The following CEP63 variants were observed in gnomAD, a reference collection of about 807,000 sequenced individuals.
CEP63 encodes the protein centrosomal protein of 63 kDa.
In CEP63, 84 loss-of-function variants were observed where a neutral mutation model predicts 89.1. That is an observed-to-expected ratio of 0.94 (90% CI 0.79 to 1.13). CEP63 has a LOEUF of 1.13. Ranked by LOEUF, CEP63 falls within the 50% of genes most tolerant of loss-of-function variation. The pLI is 0.00. For synonymous variants in CEP63, 267 were observed against 272.5 expected (o/e 0.98, Z 0.20); for missense variants, 838 against 813.3 (o/e 1.03, Z -0.37).
At chr3:134,589,895 C>T (rs1958564682), downstream of CEP63, among the ~76,000 whole-genome samples, 1 of 152,278 alleles carries the variant, frequency 6.6e-6, no homozygotes, top group South Asian at 2.1e-4. Context: ...GGTACATATA[C>T]ACCATGGAAT....
At chr3:134,753,585 A>G in the CEP63 span, among the ~76,000 whole-genome samples, 4 of 152,334 alleles carry the variant, frequency 2.6e-5, no homozygotes, top group African/African-American at 9.6e-5. Flanking sequence ...CATGATTTCC[A>G]GAGTCTTTGC....
At chr3:134,607,647 C>T in the CEP63 span, 3 of 985,664 alleles carry the variant, frequency 3.0e-6, no homozygotes, top group Non-Finnish European at 3.6e-6. Flanking sequence ...CCAGAGAAGG[C>T]CCTGCTTTTT....
the CEP63 span, among the ~76,000 whole-genome samples, chr3:134,616,001 A>C: frequency 5.9e-5 from 9 of 152,240 alleles, no homozygotes; most frequent in Non-Finnish European, 1.2e-4. Context: ...AACGTCTCTG[A>C]AACCTGCTAG....
downstream of CEP63, among the ~76,000 whole-genome samples, chr3:134,577,383 A>T (rs374310313): frequency 3.7e-4 from 55 of 150,044 alleles, no homozygotes; most frequent in African/African-American, 1.3e-3. Context: ...TCACACTTGT[A>T]TGGAAAAAAA....
At chr3:134,542,018 G>A (rs6439487) in intron 6 of CEP63, among the ~76,000 whole-genome samples, 100,141 of 151,904 alleles carry the variant, frequency 0.66, 33,406 homozygotes, top group East Asian at 0.81. Flanking sequence ...CCTACATAAT[G>A]CAAAGGAAAT....
chr3:134,779,406 T>C, the CEP63 span, among the ~76,000 whole-genome samples: 1 of 152,204 alleles, frequency 6.6e-6, no homozygotes, highest in East Asian at 1.9e-4. Flanking sequence ...TTTTTCCTAT[T>C]ATGGATTGTG....
the CEP63 span, among the ~76,000 whole-genome samples, chr3:134,679,602 A>G: frequency 6.6e-6 from 1 of 152,170 alleles, no homozygotes; most frequent in African/African-American, 2.4e-5. Context: ...GCAATTTCAT[A>G]TGTTGTAGTC....
the CEP63 span, among the ~76,000 whole-genome samples, chr3:134,677,306 C>A: frequency 1.3e-5 from 2 of 152,240 alleles, no homozygotes; most frequent in Non-Finnish European, 2.9e-5. Flanking sequence ...TTCTCTTCCT[C>A]ATTTCACTCA....
chr3:134,544,521 A>G (rs1340811840), intron 6 of CEP63, among the ~76,000 whole-genome samples: 2 of 152,156 alleles, frequency 1.3e-5, no homozygotes, highest in East Asian at 1.9e-4. Flanking sequence ...CCAATAAACA[A>G]AAGACCACAA....
the CEP63 span, among the ~76,000 whole-genome samples, chr3:134,669,275 A>G: frequency 1.3e-5 from 2 of 151,994 alleles, no homozygotes; most frequent in African/African-American, 4.8e-5. Context: ...TGATCTGCCC[A>G]CCTCGGCCTC....
chr3:134,605,182 G>C, the CEP63 span, among the ~76,000 whole-genome samples: 95,623 of 151,862 alleles, frequency 0.63, 30,615 homozygotes, highest in East Asian at 0.87. Flanking sequence ...CATTGATTTT[G>C]AGGGACAGGT....
the CEP63 span, among the ~76,000 whole-genome samples, chr3:134,609,900 C>G: frequency 6.6e-6 from 1 of 152,256 alleles, no homozygotes; most frequent in African/African-American, 2.4e-5. Flanking sequence ...ATTAGCCCAC[C>G]TTTCCTCATG....
At chr3:134,659,891 G>T in the CEP63 span, among the ~76,000 whole-genome samples, 1 of 152,204 alleles carries the variant, frequency 6.6e-6, no homozygotes, top group Non-Finnish European at 1.5e-5. Flanking sequence ...AGATTTTTCA[G>T]TGTCAGTGCA....
At chr3:134,740,026 G>A in the CEP63 span, among the ~76,000 whole-genome samples, 3 of 151,930 alleles carry the variant, frequency 2.0e-5, no homozygotes, top group African/African-American at 4.8e-5. Flanking sequence ...TCCATCCACC[G>A]TCCTCCACTA....
intron 2 of CEP63, 37 bp from the exon 3 acceptor site, chr3:134,507,072 A>G (rs371227658): frequency 2.7e-5 from 42 of 1,559,834 alleles, no homozygotes; most frequent in Admixed American, 5.0e-5. Context: ...ACTTGAACAT[A>G]TCTTCTGTTT....
chr3:134,620,927 C>T, the CEP63 span: 20 of 909,818 alleles, frequency 2.2e-5, no homozygotes, highest in African/African-American at 3.0e-4. Context: ...GCATCTTGCA[C>T]CTACAGCCAG....
At chr3:134,533,715 C>G (rs1950257359) in intron 5 of CEP63, among the ~76,000 whole-genome samples, 1 of 152,078 alleles carries the variant, frequency 6.6e-6, no homozygotes, top group African/African-American at 2.4e-5. Flanking sequence ...GGCATAGGAC[C>G]TAGGGATCTG....
At chr3:134,531,200 A>G (rs894610844) in intron 3 of CEP63, among the ~76,000 whole-genome samples, 4 of 152,278 alleles carry the variant, frequency 2.6e-5, no homozygotes, top group South Asian at 4.1e-4. Flanking sequence ...TTTATGAAGT[A>G]TTGTTGGTTT....
At chr3:134,610,359 G>C in the CEP63 span, 1 of 1,612,946 alleles carries the variant, frequency 6.2e-7, no homozygotes. Context: ...AGCCAGGCAC[G>C]GTCATACACT....
Sources: gnomAD v4.1 joint callset for allele counts (sites outside exome capture counted in the v4.1 genomes callset) on GRCh38, gnomAD v4.1.1 for gene constraint, MANE v1.5 for transcripts, NCBI Gene and HGNC (gene_info 2026-07-23, HGNC 2026-07-21) for gene names.